LARS1: variants seen among roughly 807,000 people sequenced by gnomAD.
LARS1 encodes leucyl-tRNA synthetase 1, also known as leucine--tRNA ligase, cytoplasmic.
A neutral mutation model predicts 162.8 loss-of-function variants in LARS1; 100 were observed. That is an observed-to-expected ratio of 0.61 (90% CI 0.52 to 0.73). The LOEUF is 0.73. Among genes scored for constraint, LARS1 ranks in the 30% least tolerant of loss-of-function variants. The pLI is 0.00. For missense variants in LARS1, 1,258 were observed against 1,408.9 expected (o/e 0.89, Z 1.71); for synonymous variants, 457 against 462.8 (o/e 0.99, Z 0.16).
intron 23 of LARS1, chr5:146,131,374 G>A (rs1335304342): frequency 3.9e-6 from 1 of 256,414 alleles, no homozygotes; most frequent in Non-Finnish European, 7.3e-6. Flanking sequence ...ACTGCTTAGG[G>A]CTCCTGTTTA....
chr5:146,181,568 G>C (rs187381239), intron 1 of LARS1, among the ~76,000 whole-genome samples: 11 of 151,870 alleles, frequency 7.2e-5, no homozygotes, highest in Admixed American at 3.3e-4. Context: ...TGTGAGGATC[G>C]CTTGAGCCCT....
chr5:146,120,257 A>G, intron 31 of LARS1, 114 bp downstream of exon 31: 1 of 1,127,542 alleles, frequency 8.9e-7, no homozygotes, highest in Non-Finnish European at 1.3e-6. Context: ...TACTTTTTCC[A>G]TAATAATACA....
intron 2 of LARS1, among the ~76,000 whole-genome samples, chr5:146,173,621 G>A (rs529062553): frequency 3.0e-4 from 45 of 150,618 alleles, no homozygotes; most frequent in African/African-American, 9.8e-4. Context: ...ATGAGCTCAT[G>A]AGCCACCATG....
In LARS1 at chr5:146,158,004, T is replaced by C. The variant is rs17428570; in HGVS notation, c.772-209A>G. Among the ~76,000 whole-genome samples the C allele has an allele frequency of 0.22, 33,876 of 152,096 alleles. 4,832 individuals carry two copies. Among genetic ancestry groups the C allele is most frequent in the Admixed American group, 0.34 (5,124 of 15,264 alleles). On this transcript the variant is annotated intron_variant, in intron 8 of 31. Transcript: ENST00000394434. ...AGAGATTTGGAGTAATCGCCCAAAATAGTGTTTGCCAAAATGAAGGTGAGA... is the reference window on the plus strand; with the variant it reads ...AGAGATTTGGAGTAATCGCCCAAAACAGTGTTTGCCAAAATGAAGGTGAGA...
intron 5 of LARS1, among the ~76,000 whole-genome samples, chr5:146,167,597 T>C (rs1330234551): frequency 1.3e-5 from 2 of 151,970 alleles, no homozygotes; most frequent in Admixed American, 6.6e-5. Flanking sequence ...GGTTTCACCA[T>C]GTTTGCCAGG....
chr5:146,182,429 C>T, intron 1 of LARS1, 59 bp downstream of exon 1: 1 of 1,609,774 alleles, frequency 6.2e-7, no homozygotes, highest in Non-Finnish European at 8.5e-7. Context: ...ATGGAGAGCC[C>T]CTAGAGACTG....
chr5:146,142,043 C>G (rs1752802121), intron 20 of LARS1, among the ~76,000 whole-genome samples: 1 of 152,070 alleles, frequency 6.6e-6, no homozygotes, highest in South Asian at 2.1e-4. Flanking sequence ...ACCTGTAATC[C>G]CAGCTACTCG....
At position 146,164,357 on chromosome 5, in the gene LARS1, A is replaced by C; in HGVS notation, c.547T>G (p.Tyr183Asp). Residue 183 changes from tyrosine (Y) to aspartate (D), a missense_variant, in exon 6 of 32, where the codon TAT becomes GAT. By Grantham distance (160) the Tyr-to-Asp change is radical (BLOSUM62 -3). Transcript: ENST00000394434. ...TCCTGAATAGCCAGTGGCGGGAAAT[A>C]ATCAAGCCAATGTTCTGCTTCAGAA... ...KFSEAEHWLDYFPPLAIQDLK... is the reference protein window; with the variant it reads ...KFSEAEHWLDDFPPLAIQDLK... The C allele has an allele frequency of 6.2e-7, 1 of 1,614,154 alleles. No individual in the cohort carries two copies. The highest frequency in any genetic ancestry group is 8.5e-7 in the Non-Finnish European group (1 of 1,180,004).
At chr5:146,148,064 C>T (rs66507348) in intron 15 of LARS1, among the ~76,000 whole-genome samples, 13,664 of 152,184 alleles carry the variant, frequency 0.09, 762 homozygotes, top group African/African-American at 0.16. Flanking sequence ...AGAATCTATA[C>T]TCAGGCAATC....
intron 28 of LARS1, 103 bp from the exon 29 acceptor site, chr5:146,124,189 C>T (rs1751951853): frequency 1.3e-6 from 1 of 758,522 alleles, no homozygotes; most frequent in African/African-American, 1.7e-5. Flanking sequence ...ATAAAATCTT[C>T]AGATTTCAGG....
Position 146,151,883 on chromosome 5 carries a change from A to C in LARS1, c.1404T>G (p.Tyr468Ter), listed in dbSNP as rs768522404. The change falls in exon 14 of 32, where the codon TAT becomes TAG. Residue 468 changes from tyrosine to a stop codon, truncating the protein, a stop_gained. Transcript: ENST00000394434. LOFTEE classifies it high-confidence loss of function. ...TTACACCCTCATAAAATCCTTTTAG[A>C]TATATCTTCTCCTTTGCTTCTGCAA... ...EKLAEAKEKI[Y>*]LKGFYEGIML... 1.1e-5 allele frequency: 18 copies of C among 1,613,942 alleles called. No individual in the cohort carries two copies. Among genetic ancestry groups the C allele is most frequent in the Non-Finnish European group, 1.5e-5 (18 of 1,179,916 alleles).
rs78318136 is a variant in LARS1, at chr5:146,121,203, A to T, written c.3193-700T>A. ...ATATTCCTTACATGATGCTAAATTC[A>T]GGAGGTATCCATAATCACGATTTCC... On this transcript the variant is annotated intron_variant, in intron 30 of 31. Transcript: ENST00000394434. Among the ~76,000 whole-genome samples, 974 of 152,284 alleles carry T rather than the reference A, an allele frequency of 6.4e-3. 11 individuals carry two copies. Among genetic ancestry groups the T allele is most frequent in the African/African-American group, 0.023 (936 of 41,560 alleles).
Position 146,177,646 on chromosome 5 carries a change from T to G in LARS1, c.26A>C (p.Lys9Thr). ...CTCAATCTTCTTCAAAAAGTCCACT[T>G]TGGCTGTTCCTTTTCTTTCCTATTG... Reference protein sequence around the residue: MAERKGTAKVDFLKKIEKE... With the variant: MAERKGTATVDFLKKIEKE... Residue 9 changes from lysine to threonine, a missense_variant, in exon 2 of 32, where the codon AAA becomes ACA. Transcript: ENST00000394434. 6.3e-7 allele frequency: 1 copy of G among 1,596,692 alleles called. No homozygotes were observed. Among genetic ancestry groups the G allele is most frequent in the Non-Finnish European group, 8.6e-7 (1 of 1,166,330 alleles).
Position 146,117,901 on chromosome 5 carries a change from A to G in LARS1, c.3325+2470T>C, listed in dbSNP as rs547691391. ...AAATACATGAGGTAGGAAGTAGAAC[A>G]GTGTGGTGCGAATGTAAATTTGTAT... On this transcript the variant is annotated intron_variant, in intron 31 of 31. Coordinates refer to ENST00000394434, the MANE Select transcript of LARS1 (RefSeq NM_020117.11). 3.1e-3 allele frequency among the ~76,000 whole-genome samples: 479 copies of G among 152,360 alleles called. 10 individuals are homozygous for G. Among genetic ancestry groups the G allele is most frequent in the Non-Finnish European group, 2.6e-3 (175 of 68,030 alleles).
At chr5:146,141,834 T>C (rs1321467971) in intron 20 of LARS1, among the ~76,000 whole-genome samples, 1 of 151,306 alleles carries the variant, frequency 6.6e-6, no homozygotes, top group Admixed American at 6.6e-5. Flanking sequence ...TAACAGTGGA[T>C]GACAAGTAGT....
rs147125041 is a variant in LARS1, at chr5:146,113,342, G to A, written c.*764C>T. 3 of 151,132 alleles carry A rather than the reference G, an allele frequency of 2.0e-5. No individual in the cohort carries two copies. Among genetic ancestry groups the A allele is most frequent in the African/African-American group, 7.3e-5 (3 of 41,290 alleles). 9.4% of individuals were successfully genotyped at this position (151,132 alleles called of 1,614,324 possible). ...GCCTCCCAAAGTGCTGGGATTATAG[G>A]TGTGAGCCACCACACCCGACCAGCA... On this transcript the variant is annotated 3_prime_UTR_variant, in exon 32 of 32. Transcript: ENST00000394434.
At chr5:146,119,043 CAG>C (rs1751695166) in intron 31 of LARS1, among the ~76,000 whole-genome samples, 1 of 152,124 alleles carries the variant, frequency 6.6e-6, no homozygotes, top group Non-Finnish European at 1.5e-5. Context: ...CCCATCCAAA[CAG>C]TATTTTCTCC....
chr5:146,138,335 G>T, intron 21 of LARS1: 1 of 167,086 alleles, frequency 6.0e-6, no homozygotes, highest in Non-Finnish European at 1.4e-5. Flanking sequence ...CCTGCTAAAG[G>T]TATTAGACAC....
At chr5:146,122,682 C>A (rs1213285732) in intron 29 of LARS1, 95 bp from the exon 30 acceptor site, 21 of 579,380 alleles carry the variant, frequency 3.6e-5, no homozygotes, top group Non-Finnish European at 6.5e-5. Context: ...ACTAGGTTCT[C>A]CAGTTAACAT....
Sources: gnomAD v4.1 joint callset for allele counts (sites outside exome capture counted in the v4.1 genomes callset) on GRCh38, gnomAD v4.1.1 for gene constraint, MANE v1.5 for transcripts, NCBI Gene and HGNC (gene_info 2026-07-23, HGNC 2026-07-21) for gene names.